XIRP2: variants seen among roughly 807,000 people sequenced by gnomAD.
The protein encoded by XIRP2 is xin actin binding repeat containing 2, also known as xin actin-binding repeat-containing protein 2.
In XIRP2, 236 loss-of-function variants were observed where a neutral mutation model predicts 277.0. The observed-to-expected ratio is 0.85, with a 90% CI of 0.77 to 0.95. The LOEUF (loss-of-function observed/expected upper bound fraction) is 0.95. XIRP2 is among the 40% of genes least tolerant of loss of function. The probability of loss-of-function intolerance (pLI) is 0.00; values close to 1 mark genes in which losing one functional copy is unlikely to be tolerated. For missense variants in XIRP2, 4,640 were observed against 4,157.5 expected (o/e 1.12, Z -3.19); for synonymous variants, 1,490 against 1,416.5 (o/e 1.05, Z -1.17).
intron 2 of XIRP2, among the ~76,000 whole-genome samples, chr2:167,025,987 T>C (rs1027037399): frequency 1.3e-4 from 20 of 152,128 alleles, no homozygotes; most frequent in Non-Finnish European, 2.8e-4. Flanking sequence ...GGTGCAAAAC[T>C]GAGTTCAATT....
At chr2:167,060,199 G>A (rs890184959) in intron 2 of XIRP2, among the ~76,000 whole-genome samples, 1 of 151,000 alleles carries the variant, frequency 6.6e-6, no homozygotes, top group Non-Finnish European at 1.5e-5. Flanking sequence ...GATAACGGGG[G>A]AAAAAAAGGA....
chr2:166,940,777 A>C (rs962147746), intron 2 of XIRP2, among the ~76,000 whole-genome samples: 1 of 152,190 alleles, frequency 6.6e-6, no homozygotes, highest in African/African-American at 2.4e-5. Context: ...GCTGAACAGC[A>C]AATGTTGCTG....
At chr2:167,127,174 G>A (rs1375082363) in intron 2 of XIRP2, among the ~76,000 whole-genome samples, 1 of 152,004 alleles carries the variant, frequency 6.6e-6, no homozygotes, top group Non-Finnish European at 1.5e-5. Flanking sequence ...CTACTTCCTT[G>A]GTGTTCATGA....
intron 10 of XIRP2, among the ~76,000 whole-genome samples, chr2:167,257,382 A>G (rs1247217437): frequency 6.6e-6 from 1 of 151,948 alleles, no homozygotes; most frequent in Admixed American, 6.6e-5. Context: ...ACTAGAGTTC[A>G]TTTTAATTTT....
At chr2:167,201,261 A>C (rs1366749438) in intron 3 of XIRP2, among the ~76,000 whole-genome samples, 1,620 of 100,550 alleles carry the variant, frequency 0.016, 56 homozygotes, top group East Asian at 0.048. Flanking sequence ...AAAGAAAGAA[A>C]GAGAGAGGGA....
At chr2:167,198,808 G>A (rs1693596970) in intron 3 of XIRP2, among the ~76,000 whole-genome samples, 1 of 152,080 alleles carries the variant, frequency 6.6e-6, no homozygotes, top group African/African-American at 2.4e-5. Context: ...ATAATGTTCG[G>A]TAAAGAAAGT....
At chr2:167,257,259 A>G (rs1368280208) in intron 10 of XIRP2, among the ~76,000 whole-genome samples, 3 of 151,878 alleles carry the variant, frequency 2.0e-5, no homozygotes, top group Non-Finnish European at 4.4e-5. Context: ...CTATCTTGTC[A>G]CTTCATTTAG....
chr2:167,116,677 ATGTT>A (rs953980787), intron 2 of XIRP2, among the ~76,000 whole-genome samples: 3 of 151,976 alleles, frequency 2.0e-5, no homozygotes, highest in African/African-American at 7.3e-5. Flanking sequence ...GTTATTTTTT[ATGTT>A]TGTTCTGTCT....
chr2:167,198,691 C>T (rs192256189), intron 3 of XIRP2, among the ~76,000 whole-genome samples: 1 of 152,312 alleles, frequency 6.6e-6, no homozygotes, highest in East Asian at 1.9e-4. Context: ...AAGTACATCA[C>T]TGCTCTGAAA....
intron 2 of XIRP2, among the ~76,000 whole-genome samples, chr2:166,948,015 A>T (rs1190320035): frequency 6.6e-6 from 1 of 152,120 alleles, no homozygotes; most frequent in African/African-American, 2.4e-5. Context: ...GAAAGAGCAA[A>T]ATTATGGAGA....
chr2:167,195,944 A>G (rs1472441691), intron 3 of XIRP2, among the ~76,000 whole-genome samples: 1 of 152,146 alleles, frequency 6.6e-6, no homozygotes, highest in Non-Finnish European at 1.5e-5. Context: ...TGACCCCCGT[A>G]TCACTCTGCC....
At chr2:166,925,972 G>T (rs1223940243) in intron 2 of XIRP2, among the ~76,000 whole-genome samples, 1 of 151,784 alleles carries the variant, frequency 6.6e-6, no homozygotes, top group Admixed American at 6.6e-5. Context: ...TACTTGAGAG[G>T]TTGAGGCTGT....
chr2:166,947,143 T>A (rs772545476), intron 2 of XIRP2, among the ~76,000 whole-genome samples: 10 of 152,186 alleles, frequency 6.6e-5, no homozygotes, highest in Non-Finnish European at 1.3e-4. Context: ...AAATATCAAC[T>A]GCAATACTGC....
chr2:167,054,053 A>G (rs1206519468), intron 2 of XIRP2, among the ~76,000 whole-genome samples: 1 of 152,194 alleles, frequency 6.6e-6, no homozygotes, highest in Admixed American at 6.5e-5. Context: ...GAACTTTAAC[A>G]CAGTTAAAGT....
intron 3 of XIRP2, among the ~76,000 whole-genome samples, chr2:167,180,026 A>T (rs1353837646): frequency 6.6e-6 from 1 of 152,232 alleles, no homozygotes; most frequent in African/African-American, 2.4e-5. Context: ...AAATAGAGTT[A>T]TCTGTTCAAA....
chr2:167,101,767 T>A (rs1383266837), intron 2 of XIRP2, among the ~76,000 whole-genome samples: 1 of 152,204 alleles, frequency 6.6e-6, no homozygotes, highest in South Asian at 2.1e-4. Flanking sequence ...TACTTTTAAT[T>A]TATATATTGT....
intron 2 of XIRP2, among the ~76,000 whole-genome samples, chr2:166,951,867 T>A (rs1052445524): frequency 6.6e-6 from 1 of 152,046 alleles, no homozygotes; most frequent in African/African-American, 2.4e-5. Context: ...CTTGAGATCC[T>A]ATCCTATTGC....
At chr2:166,960,230 T>G (rs1285538525) in intron 2 of XIRP2, among the ~76,000 whole-genome samples, 4 of 151,470 alleles carry the variant, frequency 2.6e-5, no homozygotes, top group Admixed American at 2.0e-4. Flanking sequence ...GTTAGTTGAA[T>G]GATGAAGGAA....
At chr2:167,064,487 T>C (rs1250103410) in intron 2 of XIRP2, among the ~76,000 whole-genome samples, 1 of 151,978 alleles carries the variant, frequency 6.6e-6, no homozygotes, top group East Asian at 1.9e-4. Flanking sequence ...AATTATCTTT[T>C]AATTTTATTT....
Sources: gnomAD v4.1 joint callset for allele counts (sites outside exome capture counted in the v4.1 genomes callset) on GRCh38, gnomAD v4.1.1 for gene constraint, MANE v1.5 for transcripts, NCBI Gene and HGNC (gene_info 2026-07-23, HGNC 2026-07-21) for gene names.